Variants in NOSTRIN observed in about 807,000 individuals in gnomAD.
The protein encoded by NOSTRIN is nitric oxide synthase trafficking, also known as BM247 homolog.
A neutral mutation model predicts 59.0 loss-of-function variants in NOSTRIN; 63 were observed. That is an observed-to-expected ratio of 1.07 (90% CI 0.87 to 1.32). NOSTRIN has a LOEUF of 1.32. NOSTRIN is among the 40% of genes most tolerant of loss of function. The pLI is 0.00. For missense variants in NOSTRIN, 512 were observed against 473.1 expected (o/e 1.08, Z -0.76); for synonymous variants, 200 against 165.4 (o/e 1.21, Z -1.61).
chr2:168,795,607 A>G (rs1375909158), upstream of NOSTRIN, among the ~76,000 whole-genome samples: 3 of 152,346 alleles, frequency 2.0e-5, no homozygotes, highest in East Asian at 5.8e-4. Context: ...TGAAATTTGG[A>G]CATGCATAAT....
chr2:168,847,568 C>T (rs949470631), intron 8 of NOSTRIN, among the ~76,000 whole-genome samples: 70 of 152,264 alleles, frequency 4.6e-4, no homozygotes, highest in Middle Eastern at 3.4e-3. Flanking sequence ...TAGTACCAGC[C>T]CAAAGGCTAG....
chr2:168,840,466 C>T lies in NOSTRIN; in HGVS notation c.505-2526C>T, dbSNP rs192854957. Reference sequence around the variant, plus strand: ...AATGGCGTGAACCCCGGAGGCGGAGCTTGCAGTGAGCTGAGATCGTGCCAC... The same window carrying T: ...AATGGCGTGAACCCCGGAGGCGGAGTTTGCAGTGAGCTGAGATCGTGCCAC... On this transcript the variant is annotated intron_variant, in intron 7 of 15. Coordinates refer to ENST00000317647, the MANE Select transcript of NOSTRIN (RefSeq NM_001039724.4). 5.8e-3 allele frequency among the ~76,000 whole-genome samples: 816 copies of T among 141,710 alleles called. 26 individuals carry two copies. The East Asian group carries it at 0.089, about 15-fold the overall frequency. The allele number at this position is 141,710 out of a possible 152,430, so 93.0% of individuals were successfully genotyped here. A position where few individuals can be genotyped will look rare whatever the true frequency, so the allele number is the denominator to read the frequency against.
At chr2:168,858,757 A>G (rs1022093581) in intron 12 of NOSTRIN, among the ~76,000 whole-genome samples, 1 of 152,100 alleles carries the variant, frequency 6.6e-6, no homozygotes, top group African/African-American at 2.4e-5. Context: ...CCTGGCAGGG[A>G]TATTAGGGTT....
chr2:168,824,236 C>T (rs1429656456), intron 2 of NOSTRIN, among the ~76,000 whole-genome samples: 2 of 152,274 alleles, frequency 1.3e-5, no homozygotes, highest in East Asian at 3.9e-4. Flanking sequence ...CTCCTTCTTG[C>T]ATACATGTGT....
chr2:168,832,756 T>C (rs1687435638), intron 6 of NOSTRIN, among the ~76,000 whole-genome samples: 1 of 152,190 alleles, frequency 6.6e-6, no homozygotes, highest in South Asian at 2.1e-4. Flanking sequence ...GCCATGGATT[T>C]TATGAGTTTT....
Position 168,804,463 on chromosome 2 carries a change from A to G in NOSTRIN, c.27+1790A>G, listed in dbSNP as rs985350365. Among the ~76,000 whole-genome samples, 34 of 152,208 alleles carry G rather than the reference A, an allele frequency of 2.2e-4. 1 individual carries two copies. The highest frequency in any genetic ancestry group is 1.5e-5 in the Non-Finnish European group (1 of 68,036). ...TTGTTTCATCTTAATCAAGTGTTCA[A>G]GTTGATTTCCTGGCACATTCTTAGC... On this transcript the variant is annotated intron_variant, in intron 1 of 15. Transcript: ENST00000317647.
intron 7 of NOSTRIN, among the ~76,000 whole-genome samples, chr2:168,835,773 T>A (rs575009199): frequency 1.3e-5 from 2 of 152,302 alleles, no homozygotes. Context: ...ACTGTCCATG[T>A]GTGAGCACCA....
chr2:168,804,472 C>T (rs1247870765), intron 1 of NOSTRIN, among the ~76,000 whole-genome samples: 1 of 152,162 alleles, frequency 6.6e-6, no homozygotes, highest in African/African-American at 2.4e-5. Flanking sequence ...AAGTTGATTT[C>T]CTGGCACATT....
intron 8 of NOSTRIN, among the ~76,000 whole-genome samples, chr2:168,844,885 A>AAT (rs1348425750): frequency 6.6e-6 from 1 of 151,096 alleles, no homozygotes; most frequent in African/African-American, 2.4e-5. Flanking sequence ...GAAAAAAAAA[A>AAT]AAAGATTCAG....
intron 1 of NOSTRIN, among the ~76,000 whole-genome samples, chr2:168,809,887 A>G (rs552076658): frequency 6.6e-6 from 1 of 152,210 alleles, no homozygotes; most frequent in Admixed American, 6.5e-5. Context: ...TTCATGAGAG[A>G]GGCTACAAAT....
At chr2:168,859,694 C>G (rs1689325133) in intron 13 of NOSTRIN, 57 bp downstream of exon 13, 16 of 1,581,356 alleles carry the variant, frequency 1.0e-5, no homozygotes, top group Non-Finnish European at 1.4e-5. Flanking sequence ...GGTGGAGTGG[C>G]TTAAAGTAGC....
At chr2:168,817,401 G>A (rs936010601) in intron 2 of NOSTRIN, among the ~76,000 whole-genome samples, 2 of 152,188 alleles carry the variant, frequency 1.3e-5, no homozygotes, top group Non-Finnish European at 2.9e-5. Context: ...TACCTCAGGG[G>A]GTGAGGAGGA....
At chr2:168,831,977 T>G (rs954856055) in intron 6 of NOSTRIN, among the ~76,000 whole-genome samples, 13 of 152,226 alleles carry the variant, frequency 8.5e-5, no homozygotes, top group Admixed American at 2.6e-4. Flanking sequence ...GTATAATTTG[T>G]AACTTACAGA....
chr2:168,820,573 C>T (rs1313877747), intron 2 of NOSTRIN, among the ~76,000 whole-genome samples: 1 of 152,080 alleles, frequency 6.6e-6, no homozygotes, highest in East Asian at 1.9e-4. Flanking sequence ...ATCTGCCCTG[C>T]TGAAGATTTC....
intron 13 of NOSTRIN, among the ~76,000 whole-genome samples, chr2:168,859,916 G>A (rs1689339081): frequency 6.6e-6 from 1 of 152,112 alleles, no homozygotes; most frequent in Admixed American, 6.5e-5. Context: ...CTTTGGATGT[G>A]CTTTTACAGT....
rs963560941 is a variant in NOSTRIN at position 168,865,136 on chromosome 2, C to T, written c.*166C>T. On this transcript the variant is annotated 3_prime_UTR_variant, in exon 16 of 16. Coordinates refer to ENST00000317647, the MANE Select transcript of NOSTRIN (RefSeq NM_001039724.4). ...TTCATGATTATTAGCTTGAAACAGT[C>T]AGAAAAAAGATGGATGGGTGGAGAC... 5 of 740,448 alleles carry T rather than the reference C, an allele frequency of 6.8e-6. No homozygotes were observed. Among genetic ancestry groups the T allele is most frequent in the Non-Finnish European group, 1.1e-5 (5 of 470,698 alleles). 45.9% of individuals were successfully genotyped at this position (740,448 alleles called of 1,614,324 possible). A position where few individuals can be genotyped will look rare whatever the true frequency, so the allele number is the denominator to read the frequency against.
chr2:168,841,406 C>T (rs890043336), intron 7 of NOSTRIN, among the ~76,000 whole-genome samples: 2 of 151,786 alleles, frequency 1.3e-5, no homozygotes, highest in Non-Finnish European at 2.9e-5. Context: ...TACCCTGGCC[C>T]AGGGAGTTTT....
Position 168,861,997 on chromosome 2 carries a change from G to A in NOSTRIN, c.1332G>A (p.Lys444=). The A allele has an allele frequency of 6.2e-7, 1 of 1,614,140 alleles. No homozygotes were observed. The part of the protein sequence containing the change: ...GAAQLSSRLC[K]ALYSFQARQD... ...CCCAGCTCAGCAGCAGACTTTGCAA[G>A]GCCTTGTATTCTTTTCAAGCCAGGC... The change falls in exon 15 of 16, where the codon AAG becomes AAA. Residue 444 remains lysine (K), a synonymous_variant. Transcript: ENST00000317647.
intron 2 of NOSTRIN, among the ~76,000 whole-genome samples, chr2:168,817,017 A>G (rs1466143783): frequency 6.6e-6 from 1 of 152,248 alleles, no homozygotes; most frequent in Non-Finnish European, 1.5e-5. Flanking sequence ...ATAAAATCAC[A>G]GGAGAGACCA....
Sources: gnomAD v4.1 joint callset for allele counts (sites outside exome capture counted in the v4.1 genomes callset) on GRCh38, gnomAD v4.1.1 for gene constraint, MANE v1.5 for transcripts, NCBI Gene and HGNC (gene_info 2026-07-23, HGNC 2026-07-21) for gene names.